Variants in MGA observed in about 807,000 individuals in gnomAD.
MGA encodes MAX gene-associated protein.
In MGA, 40 loss-of-function variants were observed where a neutral mutation model predicts 261.1. The ratio of observed to expected loss-of-function variants is 0.15; its 90% CI spans 0.12 to 0.20. The LOEUF (loss-of-function observed/expected upper bound fraction) is 0.20. Ranked by LOEUF, MGA falls within the 10% of genes least tolerant of loss-of-function variation. The pLI is 1.00. For synonymous variants in MGA, 1,302 were observed against 1,290.6 expected, an observed-to-expected ratio of 1.01 and a Z score of -0.19; for missense variants, 3,397 against 3,630.5, an observed-to-expected ratio of 0.94 and a Z score of 1.65.
At chr15:41,626,540 A>G (rs1373605675) in intron 1 of MGA, among the ~76,000 whole-genome samples, 1 of 152,040 alleles carries the variant, frequency 6.6e-6, no homozygotes, top group Non-Finnish European at 1.5e-5. Flanking sequence ...CTCCTGCCTC[A>G]GCCTCCTGAG....
intron 1 of MGA, 23 bp from the exon 2 acceptor site, chr15:41,668,805 G>GTTTTTTTTTTTT: frequency 9.9e-7 from 1 of 1,014,084 alleles, no homozygotes; most frequent in Non-Finnish European, 1.4e-6. Flanking sequence ...TTTGTTTTTG[G>GTTTTTTTTTTTT]TTTTTTTTTG....
chr15:41,767,208 G>C lies in MGA; in HGVS notation c.9126G>C (p.Val3042=), dbSNP rs2063842134. 1.2e-6 allele frequency: 2 copies of C among 1,614,036 alleles called. No individual in the cohort carries two copies. Among genetic ancestry groups the C allele is most frequent in the Non-Finnish European group, 1.7e-6 (2 of 1,179,896 alleles). ...ACCAGGAAGGCCGGGAAAGCAAGGT[G>C]ATGCCTACATTGGCACCTGTTGTGG... Residue 3042 remains valine, a synonymous_variant, in exon 24 of 24, where the codon GTG becomes GTC. Transcript: ENST00000219905.
At chr15:41,630,267 C>T (rs2056559574) in intron 1 of MGA, among the ~76,000 whole-genome samples, 1 of 152,142 alleles carries the variant, frequency 6.6e-6, no homozygotes, top group African/African-American at 2.4e-5. Flanking sequence ...TAATTTTCCC[C>T]AATTTCGACG....
chr15:41,702,398 G>T (rs963414381), intron 5 of MGA, among the ~76,000 whole-genome samples: 5 of 151,972 alleles, frequency 3.3e-5, no homozygotes, highest in Non-Finnish European at 5.9e-5. Flanking sequence ...GTATTAACTG[G>T]GTGATGCCAA....
At chr15:41,723,043 G>T (rs2061034899) in intron 9 of MGA, among the ~76,000 whole-genome samples, 1 of 152,196 alleles carries the variant, frequency 6.6e-6, no homozygotes, top group Non-Finnish European at 1.5e-5. Context: ...ATATATATTA[G>T]GAGGCATTTC....
Position 41,767,229 on chromosome 15 carries a change from T to A in MGA, c.9147T>A (p.Val3049=). 1 of 1,613,834 alleles carries A rather than the reference T, an allele frequency of 6.2e-7. No individual in the cohort carries two copies. Among genetic ancestry groups the A allele is most frequent in the South Asian group, 1.1e-5 (1 of 91,078 alleles). The change falls in exon 24 of 24, where the codon GTT becomes GTA. Residue 3049 remains valine, a synonymous_variant. Coordinates refer to ENST00000219905, the MANE Select transcript of MGA (RefSeq NM_001164273.2). ...AGGTGATGCCTACATTGGCACCTGT[T>A]GTGGCTAAATTGGGCAACTCGGGGG...
intron 14 of MGA, among the ~76,000 whole-genome samples, chr15:41,741,663 T>G (rs2062110087): frequency 6.6e-6 from 1 of 152,182 alleles, no homozygotes; most frequent in African/African-American, 2.4e-5. Flanking sequence ...CCTGACAGTT[T>G]GAATATATTG....
chr15:41,730,019 G>T (rs1186266860), intron 11 of MGA, among the ~76,000 whole-genome samples: 1 of 151,768 alleles, frequency 6.6e-6, no homozygotes, highest in African/African-American at 2.4e-5. Context: ...CAGCCTCCTG[G>T]GTAACTGAGA....
chr15:41,727,287 A>G lies in MGA; in HGVS notation c.3538A>G (p.Ile1180Val), dbSNP rs1451588013. The change falls in exon 10 of 24, where the codon ATT (isoleucine) becomes GTT (valine). Residue 1180 changes from isoleucine (I) to valine (V), a missense_variant. Ile to Val is a conservative substitution (Grantham distance 29). Transcript: ENST00000219905. Reference sequence around the variant, plus strand: ...AGTTTATATCCCCACGCCTTCTGTCATTGAGCCTATGAAACCATTGTTATT... The same window carrying G: ...AGTTTATATCCCCACGCCTTCTGTCGTTGAGCCTATGAAACCATTGTTATT... 6.2e-7 allele frequency: 1 copy of G among 1,613,864 alleles called. No homozygotes were observed. The highest frequency in any genetic ancestry group is 8.5e-7 in the Non-Finnish European group (1 of 1,179,894).
At chr15:41,643,735 G>A (rs1391980099) in intron 1 of MGA, among the ~76,000 whole-genome samples, 14 of 149,112 alleles carry the variant, frequency 9.4e-5, no homozygotes, top group Admixed American at 6.7e-4. Flanking sequence ...TTTTTTTATC[G>A]TGTATTACCT....
At chr15:41,760,852 T>C (rs962756643) in intron 20 of MGA, among the ~76,000 whole-genome samples, 2 of 152,250 alleles carry the variant, frequency 1.3e-5, no homozygotes, top group Admixed American at 6.5e-5. Context: ...TTCTCTTGCC[T>C]CAGCCTCCTG....
At chr15:41,646,839 T>G (rs2056944431) in intron 1 of MGA, among the ~76,000 whole-genome samples, 1 of 152,166 alleles carries the variant, frequency 6.6e-6, no homozygotes, top group Admixed American at 6.5e-5. Context: ...TACTGGAAAA[T>G]TATTTCTGTA....
intron 2 of MGA, among the ~76,000 whole-genome samples, chr15:41,670,428 G>T (rs1021670252): frequency 3.9e-5 from 6 of 152,282 alleles, no homozygotes; most frequent in African/African-American, 1.4e-4. Context: ...TGGATGCCAG[G>T]GGGTAGAGAG....
intron 2 of MGA, among the ~76,000 whole-genome samples, chr15:41,681,666 T>C (rs2058687648): frequency 6.6e-6 from 1 of 152,064 alleles, no homozygotes; most frequent in African/African-American, 2.4e-5. Flanking sequence ...CCCAGGCTGG[T>C]CTTGAACTCC....
At chr15:41,748,147 C>T (rs2062611041) in intron 15 of MGA, among the ~76,000 whole-genome samples, 1 of 151,868 alleles carries the variant, frequency 6.6e-6, no homozygotes, top group Admixed American at 6.6e-5. Flanking sequence ...GTCCCAGTTA[C>T]TTGGAAGGCT....
At position 41,707,875 on chromosome 15, in the gene MGA, T is replaced by A; in HGVS notation, c.2320+16T>A. ...GCCTCTCCTGGTGAGTATGTAACATTTGTAAAGTCAAACACTATTTTTCTT... is the reference window on the plus strand; with the variant it reads ...GCCTCTCCTGGTGAGTATGTAACATATGTAAAGTCAAACACTATTTTTCTT... On this transcript the variant is annotated intron_variant, in intron 6 of 23. Transcript: ENST00000219905. The A allele has an allele frequency of 6.3e-7, 1 of 1,594,666 alleles. No individual in the cohort carries two copies. The highest frequency in any genetic ancestry group is 8.5e-7 in the Non-Finnish European group (1 of 1,175,012).
chr15:41,633,194 C>G lies in MGA; in HGVS notation c.-68+11896C>G, dbSNP rs541664571. ...TTGATCTCCTGACCTTGTGATCCCC[C>G]CTGCCTTGGCCTCCCAAAGTGCTAG... On this transcript the variant is annotated intron_variant, in intron 1 of 8. Transcript: ENST00000566718. 5.1e-4 allele frequency among the ~76,000 whole-genome samples: 78 copies of G among 152,160 alleles called. No homozygotes were observed. In the South Asian group the frequency reaches 0.015, roughly 30 times the overall value.
At chr15:41,744,773 C>G (rs1484976572) in intron 15 of MGA, among the ~76,000 whole-genome samples, 2 of 152,168 alleles carry the variant, frequency 1.3e-5, no homozygotes, top group Non-Finnish European at 2.9e-5. Flanking sequence ...TTCAGTTATT[C>G]AGGATATGCA....
In MGA at chr15:41,749,778, T is replaced by C; in HGVS notation, c.6171T>C (p.His2057=). ...AGCATTCCTGTATCACTGGGTCACA[T>C]ACAGATCAAGATTATAAAGATGTTA... The change falls in exon 17 of 24, where the codon CAT becomes CAC. Residue 2057 remains histidine (H), a synonymous_variant. Transcript: ENST00000219905. 6.2e-7 allele frequency: 1 copy of C among 1,613,974 alleles called. No individual in the cohort carries two copies. The highest frequency in any genetic ancestry group is 8.5e-7 in the Non-Finnish European group (1 of 1,179,882).
Sources: allele counts gnomAD v4.1 joint callset (sites outside exome capture counted in the v4.1 genomes callset), GRCh38; gene constraint gnomAD v4.1.1; transcripts MANE v1.5; gene names NCBI Gene and HGNC (gene_info 2026-07-23, HGNC 2026-07-21).